NAALADL2: variants seen among roughly 807,000 people sequenced by gnomAD.
The protein encoded by NAALADL2 is N-acetylated alpha-linked acidic dipeptidase like 2, also known as inactive N-acetylated-alpha-linked acidic dipeptidase-like protein 2.
A neutral mutation model predicts 87.2 loss-of-function variants in NAALADL2; 76 were observed. The ratio of observed to expected loss-of-function variants is 0.87; its 90% CI spans 0.72 to 1.05. NAALADL2 has a LOEUF of 1.05. Among genes scored for constraint, NAALADL2 ranks in the 50% least tolerant of loss-of-function variants. NAALADL2 has a pLI of 0.00. For missense variants in NAALADL2, 1,089 were observed against 945.8 expected, an observed-to-expected ratio of 1.15 and a Z score of -1.99; for synonymous variants, 354 against 331.0, an observed-to-expected ratio of 1.07 and a Z score of -0.75.
At chr3:175,619,253 AAG>A (rs1278319714) in intron 10 of NAALADL2, among the ~76,000 whole-genome samples, 34 of 100,596 alleles carry the variant, frequency 3.4e-4, no homozygotes, top group South Asian at 1.0e-3. Context: ...GGAAGGAAGG[AAG>A]GAAGGAAGGA....
At position 174,465,372 on chromosome 3, in the gene NAALADL2, G is replaced by A. The variant is rs548041400; in HGVS notation, c.-184+24340G>A. ...ACCTTTGTATCCCAAAGGCCAGCCC[G>A]GTATCTGTCTAATACAGAGTTCGTA... On this transcript the variant is annotated intron_variant, in intron 1 of 3. Transcript: ENST00000434257. 3.5e-3 allele frequency among the ~76,000 whole-genome samples: 536 copies of A among 152,180 alleles called. 1 individual carries two copies. The highest frequency in any genetic ancestry group is 0.012 in the African/African-American group (514 of 41,518).
At chr3:175,420,832 A>G (rs1715569962) in intron 5 of NAALADL2, among the ~76,000 whole-genome samples, 1 of 152,020 alleles carries the variant, frequency 6.6e-6, no homozygotes, top group South Asian at 2.1e-4. Context: ...CTAACTGGCA[A>G]TAAAACCAGT....
chr3:174,488,056 T>C (rs1361482780), intron 1 of NAALADL2, among the ~76,000 whole-genome samples: 1 of 152,050 alleles, frequency 6.6e-6, no homozygotes, highest in African/African-American at 2.4e-5. Flanking sequence ...GTAGAGACGA[T>C]ACATTGGGAG....
intron 5 of NAALADL2, among the ~76,000 whole-genome samples, chr3:175,361,551 T>C (rs1421571259): frequency 1.3e-5 from 2 of 148,446 alleles, no homozygotes; most frequent in African/African-American, 2.4e-5. Flanking sequence ...TTATTAATGA[T>C]TACCATTCCA....
intron 1 of NAALADL2, among the ~76,000 whole-genome samples, chr3:175,073,244 A>C (rs970410314): frequency 1.3e-5 from 2 of 152,048 alleles, no homozygotes; most frequent in African/African-American, 4.8e-5. Flanking sequence ...TGTTTGTTTT[A>C]TATCTGAAAG....
At chr3:175,327,237 G>A (rs556332393) in intron 5 of NAALADL2, among the ~76,000 whole-genome samples, 193 of 144,282 alleles carry the variant, frequency 1.3e-3, no homozygotes, top group African/African-American at 4.7e-3. Context: ...CTCACTGCAA[G>A]CTCCGCCTCC....
chr3:175,131,781 C>G (rs1413586883), intron 2 of NAALADL2, among the ~76,000 whole-genome samples: 1 of 148,996 alleles, frequency 6.7e-6, no homozygotes, highest in Non-Finnish European at 1.5e-5. Context: ...GCTGACCCCC[C>G]CACCTCCCTC....
intron 11 of NAALADL2, among the ~76,000 whole-genome samples, chr3:175,655,227 T>C (rs770872069): frequency 2.0e-5 from 3 of 152,160 alleles, no homozygotes; most frequent in Non-Finnish European, 2.9e-5. Context: ...AATTTGTGTA[T>C]CTTTGATGGT....
chr3:175,751,195 G>A (rs569213876), intron 12 of NAALADL2, among the ~76,000 whole-genome samples: 22 of 152,192 alleles, frequency 1.4e-4, no homozygotes, highest in Admixed American at 9.2e-4. Context: ...AAAGTTCACC[G>A]TTTAATTCCT....
intron 2 of NAALADL2, among the ~76,000 whole-genome samples, chr3:175,117,080 T>A (rs1489849341): frequency 1.3e-5 from 2 of 152,114 alleles, no homozygotes; most frequent in Admixed American, 1.3e-4. Context: ...TGAAACTGGA[T>A]CCCTTCCTTA....
At chr3:175,422,599 T>C (rs1715891257) in intron 5 of NAALADL2, among the ~76,000 whole-genome samples, 1 of 152,096 alleles carries the variant, frequency 6.6e-6, no homozygotes, top group South Asian at 2.1e-4. Context: ...AAATCTTTTA[T>C]TTGTTGAATA....
At chr3:174,606,270 C>T (rs1719048834) in intron 2 of NAALADL2, among the ~76,000 whole-genome samples, 1 of 152,228 alleles carries the variant, frequency 6.6e-6, no homozygotes, top group South Asian at 2.1e-4. Flanking sequence ...CGCCTCTCCT[C>T]CTGCAAAGGA....
At chr3:175,189,312 C>A (rs575954512) in intron 2 of NAALADL2, among the ~76,000 whole-genome samples, 6 of 152,280 alleles carry the variant, frequency 3.9e-5, no homozygotes, top group Non-Finnish European at 5.9e-5. Flanking sequence ...ACACATGACA[C>A]AATCCCCTAT....
chr3:174,552,862 T>C (rs1389869239), intron 2 of NAALADL2, among the ~76,000 whole-genome samples: 4 of 150,580 alleles, frequency 2.7e-5, no homozygotes, highest in Admixed American at 2.7e-4. Flanking sequence ...TAATTCCTTG[T>C]AATTGCACAG....
intron 3 of NAALADL2, among the ~76,000 whole-genome samples, chr3:175,250,270 TGTGTGTGTGTGTGTGTGTG>T (rs1748815650): frequency 6.6e-6 from 1 of 151,130 alleles, no homozygotes; most frequent in African/African-American, 2.4e-5. Flanking sequence ...TGTGTGTGTG[TGTGTGTGTGTGTGTGTGTG>T]GTGTGTTTGT....
intron 11 of NAALADL2, among the ~76,000 whole-genome samples, chr3:175,729,291 A>G (rs1302556256): frequency 6.6e-6 from 1 of 152,130 alleles, no homozygotes; most frequent in Non-Finnish European, 1.5e-5. Flanking sequence ...ACAATAAAGG[A>G]TCAATAGCTA....
In NAALADL2 at chr3:175,660,888, T is replaced by C. The variant is rs183963491; in HGVS notation, c.1896+33502T>C. On this transcript the variant is annotated intron_variant, in intron 11 of 13. Transcript: ENST00000454872. The stretch of plus-strand genomic sequence containing the variant: ...TTTCACTGTGTATATATGCCACATT[T>C]TCTTTATTCATCTGTTGATGGACAC... Among the ~76,000 whole-genome samples, 49 of 152,250 alleles carry C rather than the reference T, an allele frequency of 3.2e-4. 1 individual carries two copies. In the East Asian group the frequency reaches 7.3e-3, roughly 23 times the overall value.
At position 175,809,630 on chromosome 3, in the gene NAALADL2, G is replaced by A. The variant is rs1327320902; in HGVS notation, c.*6427G>A. ...GCGGAAGAATCATTTGGGCCCAAAA[G>A]TTTGAAGCTGCAGTGAGCTAAAATC... On this transcript the variant is annotated 3_prime_UTR_variant, in exon 14 of 14. Transcript: ENST00000454872. The A allele has an allele frequency of 1.3e-5, 2 of 150,892 alleles. No homozygotes were observed. Among genetic ancestry groups the A allele is most frequent in the African/African-American group, 4.9e-5 (2 of 41,162 alleles). The allele number at this position is 150,892 out of a possible 1,614,324, so 9.3% of individuals were successfully genotyped here. A position where few individuals can be genotyped will look rare whatever the true frequency, so the allele number is the denominator to read the frequency against.
At chr3:175,220,867 A>G (rs1743247385) in intron 2 of NAALADL2, among the ~76,000 whole-genome samples, 1 of 152,130 alleles carries the variant, frequency 6.6e-6, no homozygotes, top group Non-Finnish European at 1.5e-5. Context: ...GATTCCCGCA[A>G]GTACTGTTAG....
Sources: gnomAD v4.1 joint callset for allele counts (sites outside exome capture counted in the v4.1 genomes callset) on GRCh38, gnomAD v4.1.1 for gene constraint, MANE v1.5 for transcripts, NCBI Gene and HGNC (gene_info 2026-07-23, HGNC 2026-07-21) for gene names.